Variants in OR5BS1 observed in about 807,000 individuals in gnomAD.
The protein encoded by OR5BS1 is olfactory receptor family 5 subfamily BS member 1.
chr12:48,560,710 T>A, the OR5BS1 span: 1 of 399,956 alleles, frequency 2.5e-6, no homozygotes, highest in African/African-American at 2.1e-5. Context: ...CCCTAAGTGG[T>A]CTCCGTTGGC....
At chr12:48,560,678 T>C in the OR5BS1 span, 1 of 400,850 alleles carries the variant, frequency 2.5e-6, no homozygotes, top group Non-Finnish European at 4.4e-6. Flanking sequence ...TACCCCTGAA[T>C]ATAAATGCGG....
At chr12:48,561,105 A>C in the OR5BS1 span, among the ~76,000 whole-genome samples, 1 of 151,868 alleles carries the variant, frequency 6.6e-6, no homozygotes, top group African/African-American at 2.4e-5. Context: ...TAGGTCAAAA[A>C]AAAAAAAAAA....
chr12:48,560,875 G>T, the OR5BS1 span, among the ~76,000 whole-genome samples: 1 of 152,098 alleles, frequency 6.6e-6, no homozygotes, highest in Non-Finnish European at 1.5e-5. Flanking sequence ...GGCTGAGGTG[G>T]GTGGATCACT....
chr12:48,560,247 G>A, the OR5BS1 span: 31,187 of 401,206 alleles, frequency 0.078, 1,404 homozygotes, highest in Middle Eastern at 0.16. Context: ...CCTATGACCG[G>A]TTTCAGGCCA....
At chr12:48,562,905 A>G in the OR5BS1 span, 1 of 401,802 alleles carries the variant, frequency 2.5e-6, no homozygotes, top group Admixed American at 4.4e-5. Context: ...GCCAGGAGGT[A>G]AAGGTGGCTC....
the OR5BS1 span, among the ~76,000 whole-genome samples, chr12:48,561,100 CA>C: frequency 0.44 from 48,566 of 109,490 alleles, 7,662 homozygotes; most frequent in East Asian, 0.53. Flanking sequence ...GAGACTAGGT[CA>C]AAAAAAAAAA....
the OR5BS1 span, among the ~76,000 whole-genome samples, chr12:48,560,845 G>A: frequency 6.6e-6 from 1 of 152,168 alleles, no homozygotes; most frequent in African/African-American, 2.4e-5. Flanking sequence ...GCTCATGCCT[G>A]TAACCCCAGC....
the OR5BS1 span, chr12:48,559,993 A>ATTTACCAGCAGGTT: frequency 2.5e-6 from 1 of 402,490 alleles, no homozygotes; most frequent in Non-Finnish European, 4.4e-6. Context: ...TTACCTCTTG[A>ATTTACCAGCAGGTT]CTCTACTGGG....
At chr12:48,560,236 G>A in the OR5BS1 span, 1 of 401,240 alleles carries the variant, frequency 2.5e-6, no homozygotes, top group Non-Finnish European at 4.4e-6. Flanking sequence ...CTCGGTCATG[G>A]CCTATGACCG....
chr12:48,560,673 C>G, the OR5BS1 span: 1 of 400,972 alleles, frequency 2.5e-6, no homozygotes, highest in East Asian at 3.6e-5. Flanking sequence ...TACTATACCC[C>G]TGAATATAAA....
chr12:48,561,541 G>T, the OR5BS1 span, among the ~76,000 whole-genome samples: 1 of 152,136 alleles, frequency 6.6e-6, no homozygotes, highest in Non-Finnish European at 1.5e-5. Flanking sequence ...ACCGAGATCC[G>T]TGCCCTTCCT....
the OR5BS1 span, chr12:48,560,442 G>C: frequency 0.46 from 186,506 of 401,242 alleles, 47,737 homozygotes; most frequent in Middle Eastern, 0.61. Context: ...TGCTCTTATT[G>C]ACCTGTTCTG....
the OR5BS1 span, among the ~76,000 whole-genome samples, chr12:48,562,299 A>G: frequency 6.6e-6 from 1 of 152,226 alleles, no homozygotes; most frequent in Non-Finnish European, 1.5e-5. Flanking sequence ...AATAATGACG[A>G]TATTTTAAAC....
chr12:48,562,483 TG>T, the OR5BS1 span, among the ~76,000 whole-genome samples: 1 of 152,238 alleles, frequency 6.6e-6, no homozygotes. Flanking sequence ...TCTATTTTTT[TG>T]TTTTACTTTT....
At chr12:48,560,309 G>C in the OR5BS1 span, 2 of 401,450 alleles carry the variant, frequency 5.0e-6, no homozygotes, top group Admixed American at 8.8e-5. Context: ...GTGTGTGCTG[G>C]CCTGGTGGGG....
chr12:48,560,293 A>G, the OR5BS1 span: 1 of 401,358 alleles, frequency 2.5e-6, no homozygotes, highest in South Asian at 1.3e-4. Flanking sequence ...GATTATAAAC[A>G]GGAGGGTGTG....
At chr12:48,560,501 G>A in the OR5BS1 span, 1 of 401,782 alleles carries the variant, frequency 2.5e-6, no homozygotes, top group South Asian at 1.3e-4. Flanking sequence ...TCAGTCCTGG[G>A]CCTTGGCACC....
chr12:48,562,002 A>G, the OR5BS1 span, among the ~76,000 whole-genome samples: 1 of 152,216 alleles, frequency 6.6e-6, no homozygotes, highest in Non-Finnish European at 1.5e-5. Context: ...TCCTTGGGAT[A>G]GTCTATTCCA....
chr12:48,562,372 T>G, the OR5BS1 span, among the ~76,000 whole-genome samples: 2 of 152,226 alleles, frequency 1.3e-5, no homozygotes, highest in Non-Finnish European at 1.5e-5. Flanking sequence ...TGTACTGTTG[T>G]GTATAAAGAG....
Sources: gnomAD v4.1 joint callset for allele counts (sites outside exome capture counted in the v4.1 genomes callset) on GRCh38, gnomAD v4.1.1 for gene constraint, MANE v1.5 for transcripts, NCBI Gene and HGNC (gene_info 2026-07-23, HGNC 2026-07-21) for gene names.